Variants in INCENP observed in about 807,000 individuals in gnomAD.
INCENP encodes the protein inner centromere protein, also known as binds and activates aurora-B and -C in vivo and in vitro.
A neutral mutation model predicts 107.3 loss-of-function variants in INCENP; 43 were observed. The observed-to-expected ratio is 0.40, with a 90% CI of 0.31 to 0.52. The LOEUF (loss-of-function observed/expected upper bound fraction) is 0.52. Among genes scored for constraint, INCENP ranks in the 20% least tolerant of loss-of-function variants. INCENP has a pLI of 0.53. For synonymous variants in INCENP, 488 were observed against 494.4 expected, an observed-to-expected ratio of 0.99 and a Z score of 0.17; for missense variants, 1,089 against 1,250.9, an observed-to-expected ratio of 0.87 and a Z score of 1.95.
intron 18 of INCENP, among the ~76,000 whole-genome samples, chr11:62,151,539 T>C (rs1944372253): frequency 6.6e-6 from 1 of 152,174 alleles, no homozygotes; most frequent in Non-Finnish European, 1.5e-5. Flanking sequence ...TCATGCGAGC[T>C]CTCAAGGACT....
chr11:62,139,203 G>A (rs1944059020), intron 7 of INCENP, among the ~76,000 whole-genome samples, 198 bp downstream of exon 7: 1 of 152,192 alleles, frequency 6.6e-6, no homozygotes, highest in African/African-American at 2.4e-5. Context: ...AGCTGTCACT[G>A]AGTGCAGCAT....
At chr11:62,131,125 G>A (rs1386027700) in intron 4 of INCENP, among the ~76,000 whole-genome samples, 2 of 152,236 alleles carry the variant, frequency 1.3e-5, no homozygotes, top group Non-Finnish European at 2.9e-5. Context: ...CCTTCGGGGA[G>A]ATCAGATGAC....
At chr11:62,147,806 G>A (rs1342917993) in intron 15 of INCENP, among the ~76,000 whole-genome samples, 1 of 152,210 alleles carries the variant, frequency 6.6e-6, no homozygotes, top group African/African-American at 2.4e-5. Context: ...GGGAAGGCGA[G>A]AAGGCGTAGG....
intron 18 of INCENP, 56 bp downstream of exon 18, chr11:62,150,263 G>A: frequency 6.3e-7 from 1 of 1,584,590 alleles, no homozygotes. Flanking sequence ...TCCTCACCTT[G>A]AGGGCCCTGG....
rs1944223012 is a variant in INCENP, at chr11:62,145,541, G to A, written c.1837-88G>A. On this transcript the variant is annotated intron_variant, in intron 13 of 18. Transcript: ENST00000394818. ...GGAACAAGCCAGGTGTGCAGGGGCA[G>A]GTGGGGCCTGTCACACACAGTTCTG... 2.7e-6 allele frequency: 4 copies of A among 1,473,614 alleles called. No individual in the cohort carries two copies. In the Admixed American group the frequency reaches 9.0e-5, roughly 33 times the overall value. 91.3% of individuals were successfully genotyped at this position (1,473,614 alleles called of 1,614,324 possible).
In INCENP at chr11:62,128,829, A is replaced by C; in HGVS notation, c.200A>C (p.Lys67Thr). 1 of 1,614,176 alleles carries C rather than the reference A, an allele frequency of 6.2e-7. No homozygotes were observed. The highest frequency in any genetic ancestry group is 8.5e-7 in the Non-Finnish European group (1 of 1,179,996). The change falls in exon 3 of 19, where the codon AAG becomes ACG. Residue 67 changes from lysine (K) to threonine (T), a missense_variant. Lys to Thr is a moderately conservative substitution (Grantham distance 78). Coordinates refer to ENST00000394818, the MANE Select transcript of INCENP (RefSeq NM_001040694.2). Reference protein sequence around the residue: ...PKTPSQKNRRKKRRISYVQDE... With the variant: ...PKTPSQKNRRTKRRISYVQDE... The stretch of plus-strand genomic sequence containing the variant: ...ACACCTTCTCAGAAGAACCGACGGA[A>C]GAAGAGACGGATTTCTTATGTTCAG...
In INCENP at chr11:62,152,972, C is replaced by G. The variant is rs555173510; in HGVS notation, c.*996C>G. On this transcript the variant is annotated 3_prime_UTR_variant, in exon 19 of 19. Coordinates refer to ENST00000394818, the MANE Select transcript of INCENP (RefSeq NM_001040694.2). ...GGGCCAAATCCAGCCACAGTCGGTT[C>G]TTTAAAGTTTTATCGAAACACAAGC... 6.6e-6 allele frequency: 1 copy of G among 152,330 alleles called. No homozygotes were observed. The highest frequency in any genetic ancestry group is 1.9e-4 in the East Asian group (1 of 5,178). 9.4% of individuals were successfully genotyped at this position (152,330 alleles called of 1,614,324 possible). A position where few individuals can be genotyped will look rare whatever the true frequency, so the allele number is the denominator to read the frequency against.
rs773937797 is a variant in INCENP, at chr11:62,128,238, T to C, written c.77T>C (p.Met26Thr). The C allele has an allele frequency of 6.2e-7, 1 of 1,614,082 alleles. No homozygotes were observed. The part of the protein sequence containing the change: ...DQKLMEFLCN[M>T]DNKDLVWLEE... ...AAGCTCATGGAGTTTCTCTGCAACA[T>C]GGATAATAAGGACTTGGTGTGGCTT... is the stretch of plus-strand genomic sequence containing the variant. Residue 26 changes from methionine (M) to threonine (T), a missense_variant, in exon 2 of 19, where the codon ATG becomes ACG. Physicochemically the swap from Met to Thr is moderately conservative, Grantham distance 81. Coordinates refer to ENST00000394818, the MANE Select transcript of INCENP (RefSeq NM_001040694.2).
intron 14 of INCENP, among the ~76,000 whole-genome samples, chr11:62,146,332 T>G (rs1223079794): frequency 6.6e-6 from 1 of 152,182 alleles, no homozygotes; most frequent in Non-Finnish European, 1.5e-5. Flanking sequence ...CCATGAAGTG[T>G]AGGAATAACT....
Position 62,140,750 on chromosome 11 carries a change from C to G in INCENP, c.1390C>G (p.Gln464Glu), listed in dbSNP as rs1944098821. Reference sequence around the variant, plus strand: ...GGCCGTGAGTGAGCTGGACGAGGAGCAGCACCTGGAGGATGAGGAGCTGCA... The same window carrying G: ...GGCCGTGAGTGAGCTGGACGAGGAGGAGCACCTGGAGGATGAGGAGCTGCA... ...KQAVSELDEE[Q>E]HLEDEELQPP... The change falls in exon 9 of 19, where the codon CAG becomes GAG. Residue 464 changes from glutamine to glutamate, a missense_variant. By Grantham distance (29) the Gln-to-Glu change is conservative. Coordinates refer to ENST00000394818, the MANE Select transcript of INCENP (RefSeq NM_001040694.2). 6.2e-7 allele frequency: 1 copy of G among 1,605,888 alleles called. No homozygotes were observed. Among genetic ancestry groups the G allele is most frequent in the African/African-American group, 1.3e-5 (1 of 74,896 alleles).
Position 62,138,756 on chromosome 11 carries a change from G to A in INCENP, c.1159G>A (p.Ala387Thr), listed in dbSNP as rs1431332717. 1.4e-5 allele frequency: 23 copies of A among 1,614,076 alleles called. No individual in the cohort carries two copies. The highest frequency in any genetic ancestry group is 1.9e-5 in the Non-Finnish European group (23 of 1,179,998). The change falls in exon 6 of 19, where the codon GCA (alanine) becomes ACA (threonine). Residue 387 changes from alanine (A) to threonine (T), a missense_variant. By Grantham distance (58) the Ala-to-Thr change is moderately conservative (BLOSUM62 0). Transcript: ENST00000394818. ...EPPEEAEPVA[A>T]AEPEVPENNG... is the part of the protein sequence containing the mutation. ...CCCCGAGGAGGCTGAGCCTGTGGCG[G>A]CAGCTGAGCCAGAGGTAAGACGGCT...
intron 17 of INCENP, 104 bp downstream of exon 17, chr11:62,148,950 G>C (rs1944315923): frequency 3.2e-6 from 2 of 619,150 alleles, no homozygotes; most frequent in East Asian, 6.3e-5. Context: ...TAAGGAAAAG[G>C]ACAGATACAC....
Position 62,146,671 on chromosome 11 carries a change from G to A in INCENP, c.1973G>A (p.Arg658Gln), listed in dbSNP as rs370917509. ...TCTCTGTTTCAGGAGGAGGAAGAGC[G>A]GCGGCACCAAGAGCTGCTGCAGAAG... ...LRWLQQEEEE[R>Q]RHQELLQKKK... The change falls in exon 15 of 19, where the codon CGG becomes CAG. Residue 658 changes from arginine (R) to glutamine (Q), a missense_variant. Arg to Gln is a conservative substitution (Grantham distance 43, BLOSUM62 1). Transcript: ENST00000394818. 83 of 1,551,032 alleles carry A rather than the reference G, an allele frequency of 5.4e-5. No individual in the cohort carries two copies. In the African/African-American group the frequency reaches 9.7e-4, roughly 18 times the overall value.
chr11:62,152,214 T>C lies in INCENP; in HGVS notation c.*238T>C. The C allele has an allele frequency of 1.8e-6, 1 of 568,754 alleles. No individual in the cohort carries two copies. The highest frequency in any genetic ancestry group is 2.2e-5 in the South Asian group (1 of 45,998). 35.2% of individuals were successfully genotyped at this position (568,754 alleles called of 1,614,324 possible). On this transcript the variant is annotated 3_prime_UTR_variant, in exon 19 of 19. Coordinates refer to ENST00000394818, the MANE Select transcript of INCENP (RefSeq NM_001040694.2). ...GGGAAGAAATGGGCCCAGCCCCACA[T>C]GGCCTGCAGACAGTGCTCTGTAAAT...
At position 62,141,514 on chromosome 11, in the gene INCENP, A is replaced by G; in HGVS notation, c.1605+3A>G. ...CTCCTCCACAGTGCAGCTTCGTCGTAAGTAAAGCCTTTTCCTGTCGGTAAC... is the reference window on the plus strand; with the variant it reads ...CTCCTCCACAGTGCAGCTTCGTCGTGAGTAAAGCCTTTTCCTGTCGGTAAC... On this transcript the variant is annotated splice_donor_region_variant and intron_variant, in intron 11 of 18. Transcript: ENST00000394818. 1 of 1,614,012 alleles carries G rather than the reference A, an allele frequency of 6.2e-7. No individual in the cohort carries two copies. The highest frequency in any genetic ancestry group is 8.5e-7 in the Non-Finnish European group (1 of 1,179,878).
At chr11:62,144,071 C>T (rs557034409) in intron 11 of INCENP, among the ~76,000 whole-genome samples, 3 of 152,328 alleles carry the variant, frequency 2.0e-5, no homozygotes, top group East Asian at 3.9e-4. Context: ...GTAGCTCACA[C>T]CTGTAATCCT....
chr11:62,135,050 CAAA>C (rs974657611), intron 4 of INCENP, among the ~76,000 whole-genome samples: 2 of 144,788 alleles, frequency 1.4e-5, no homozygotes, highest in Admixed American at 1.4e-4. Flanking sequence ...GACTCTGTCT[CAAA>C]AAAAAAAAGT....
chr11:62,148,278 C>A lies in INCENP; in HGVS notation c.2205-198C>A, dbSNP rs11230932. Among the ~76,000 whole-genome samples the A allele has an allele frequency of 0.042, 6,326 of 152,264 alleles. 452 individuals are homozygous for A. Among genetic ancestry groups the A allele is most frequent in the African/African-American group, 0.14 (6,015 of 41,524 alleles). On this transcript the variant is annotated intron_variant, in intron 15 of 18. Transcript: ENST00000394818. ...CAAATGTTGGGCTCCAGCTTGTGTT[C>A]CCTGCACCCTCAGGTGTGCACACTT...
intron 17 of INCENP, 24 bp from the exon 18 acceptor site, chr11:62,150,033 T>A (rs774478358): frequency 6.2e-7 from 1 of 1,611,672 alleles, no homozygotes; most frequent in East Asian, 2.2e-5. Flanking sequence ...TGGAGGGAAC[T>A]GACGGCCACG....
Sources: allele counts gnomAD v4.1 joint callset (sites outside exome capture counted in the v4.1 genomes callset), GRCh38; gene constraint gnomAD v4.1.1; transcripts MANE v1.5; gene names NCBI Gene and HGNC (gene_info 2026-07-23, HGNC 2026-07-21).